EPRS1: variants seen among roughly 807,000 people sequenced by gnomAD.
EPRS1 encodes the protein bifunctional glutamate/proline--tRNA ligase.
EPRS1 carries 107 observed loss-of-function variants against 188.3 expected under a neutral mutation model. That is an observed-to-expected ratio of 0.57 (90% CI 0.49 to 0.67). The LOEUF is 0.67. EPRS1 is among the 30% of genes least tolerant of loss of function. The pLI, the probability that EPRS1 is intolerant of heterozygous loss-of-function variation, is 0.00. For missense variants in EPRS1, 1,577 were observed against 1,802.2 expected, an observed-to-expected ratio of 0.88 and a Z score of 2.26; for synonymous variants, 596 against 593.1, an observed-to-expected ratio of 1.00 and a Z score of -0.07.
intron 30 of EPRS1, among the ~76,000 whole-genome samples, chr1:219,971,121 T>C (rs1469958505): frequency 2.6e-5 from 4 of 152,168 alleles, no homozygotes; most frequent in East Asian, 1.9e-4. Flanking sequence ...AGAAGAGTGA[T>C]CTAAATTCTG....
At position 220,004,555 on chromosome 1, in the gene EPRS1, G is replaced by C. The variant is rs761428889; in HGVS notation, c.2063+693C>G. Among the ~76,000 whole-genome samples, 25 of 152,238 alleles carry C rather than the reference G, an allele frequency of 1.6e-4. No homozygotes were observed. In the South Asian group the frequency reaches 5.0e-3, roughly 30 times the overall value. On this transcript the variant is annotated intron_variant, in intron 16 of 31. Coordinates refer to ENST00000366923, the MANE Select transcript of EPRS1 (RefSeq NM_004446.3). Reference sequence around the variant, plus strand: ...GACCAGATGGGCAACACAAACGACAGAGTTTGCTGAGTGAAAAAAGGGATG... The same window carrying C: ...GACCAGATGGGCAACACAAACGACACAGTTTGCTGAGTGAAAAAAGGGATG...
chr1:220,018,790 C>T (rs1050774257), intron 11 of EPRS1, among the ~76,000 whole-genome samples: 13 of 132,142 alleles, frequency 9.8e-5, no homozygotes, highest in African/African-American at 3.7e-4. Flanking sequence ...GAGTTTAGGA[C>T]ATTTTCAATT....
At position 220,026,775 on chromosome 1, in the gene EPRS1, C is replaced by T. The variant is rs529383883; in HGVS notation, c.624-1517G>A. 8.7e-4 allele frequency among the ~76,000 whole-genome samples: 133 copies of T among 152,042 alleles called. 1 individual carries two copies. The highest frequency in any genetic ancestry group is 3.1e-3 in the African/African-American group (127 of 41,490). On this transcript the variant is annotated intron_variant, in intron 6 of 31. Coordinates refer to ENST00000366923, the MANE Select transcript of EPRS1 (RefSeq NM_004446.3). The stretch of plus-strand genomic sequence containing the variant: ...TCGATCTCCTGACCTTGTGACCCGC[C>T]TGCCTCGGCCAGCAGTTGTACAGTT...
chr1:220,004,464 G>A (rs1661419735), intron 16 of EPRS1, among the ~76,000 whole-genome samples: 1 of 152,180 alleles, frequency 6.6e-6, no homozygotes, highest in Admixed American at 6.5e-5. Flanking sequence ...CTGAGAGCCT[G>A]TTTTGGCAAT....
At chr1:220,045,741 G>A (rs1287391125) in intron 1 of EPRS1, among the ~76,000 whole-genome samples, 1 of 152,126 alleles carries the variant, frequency 6.6e-6, no homozygotes, top group African/African-American at 2.4e-5. Context: ...CAGTGTACCT[G>A]GGTGTTTTCC....
In EPRS1 at chr1:220,006,300, T is replaced by C. The variant is rs939567322; in HGVS notation, c.1756A>G (p.Lys586Glu). The C allele has an allele frequency of 6.5e-7, 1 of 1,549,550 alleles. No homozygotes were observed. Among genetic ancestry groups the C allele is most frequent in the Non-Finnish European group, 8.8e-7 (1 of 1,140,676 alleles). Residue 586 changes from lysine to glutamate, a missense_variant, in exon 15 of 32, where the codon AAA becomes GAA. Around this residue, in one of 3 missense-constraint regions of EPRS1, gnomAD observed 1,278 missense variants for 1,457.4 expected, o/e 0.88. Coordinates refer to ENST00000366923, the MANE Select transcript of EPRS1 (RefSeq NM_004446.3). ...ITKIHKNADG[K>E]IISLDAKLNL... ...AACTTTGCATCAAGAGATATGATTT[T>C]TCCATCTGCATTTCTAGATATAAGA... is the stretch of plus-strand genomic sequence containing the variant.
chr1:219,974,233 C>T (rs780876312), intron 28 of EPRS1, among the ~76,000 whole-genome samples: 2 of 152,126 alleles, frequency 1.3e-5, no homozygotes, highest in Admixed American at 6.6e-5. Context: ...CGTGAGCCAC[C>T]GTACTTGGCC....
intron 9 of EPRS1, among the ~76,000 whole-genome samples, chr1:220,021,506 A>G (rs1428848666): frequency 6.6e-6 from 1 of 152,098 alleles, no homozygotes; most frequent in Non-Finnish European, 1.5e-5. Flanking sequence ...GCCATTATAC[A>G]TTCTAACTTT....
At chr1:220,011,388 T>A (rs1661602249) in intron 12 of EPRS1, among the ~76,000 whole-genome samples, 1 of 152,260 alleles carries the variant, frequency 6.6e-6, no homozygotes, top group South Asian at 2.1e-4. Flanking sequence ...AGTGGGGTTA[T>A]ATCTTAATCC....
intron 26 of EPRS1, 142 bp downstream of exon 26, chr1:219,979,943 G>T (rs1403656223): frequency 2.4e-5 from 18 of 746,982 alleles, no homozygotes; most frequent in Non-Finnish European, 3.5e-5. Context: ...GAATGGGATA[G>T]ATTTGTTTGA....
chr1:220,023,069 C>G (rs771213299), intron 8 of EPRS1, among the ~76,000 whole-genome samples: 10 of 152,066 alleles, frequency 6.6e-5, no homozygotes, highest in Non-Finnish European at 1.5e-4. Context: ...TTCATCATCC[C>G]AATGAGAAGC....
Position 219,981,427 on chromosome 1 carries a change from T to C in EPRS1, c.3404A>G (p.Gln1135Arg). 1 of 1,606,600 alleles carries C rather than the reference T, an allele frequency of 6.2e-7. No individual in the cohort carries two copies. Among genetic ancestry groups the C allele is most frequent in the Non-Finnish European group, 8.5e-7 (1 of 1,175,518 alleles). ...CTTGATGGGCAGGTCTCTGTGTGAC[T>C]GTACCCATTTTGCATATGCAGGATA... ...VMYPAYAKWV[Q>R]SHRDLPIKLN... Residue 1135 changes from glutamine to arginine, a missense_variant, in exon 24 of 32, where the codon CAG (glutamine) becomes CGG (arginine). Gln to Arg is a conservative substitution (Grantham distance 43). Coordinates refer to ENST00000366923, the MANE Select transcript of EPRS1 (RefSeq NM_004446.3).
chr1:220,004,416 T>C (rs1661418914), intron 16 of EPRS1, among the ~76,000 whole-genome samples: 1 of 151,998 alleles, frequency 6.6e-6, no homozygotes, highest in Admixed American at 6.6e-5. Flanking sequence ...ATGTGAAAAC[T>C]GAACAGAAAA....
At chr1:219,988,396 A>C (rs1427127636) in intron 19 of EPRS1, among the ~76,000 whole-genome samples, 194 bp downstream of exon 19, 1 of 152,076 alleles carries the variant, frequency 6.6e-6, no homozygotes, top group Non-Finnish European at 1.5e-5. Flanking sequence ...GCGGTGTCAT[A>C]TGAAAACATC....
intron 5 of EPRS1, among the ~76,000 whole-genome samples, chr1:220,032,138 G>A (rs188041160): frequency 1.8e-3 from 277 of 151,480 alleles, no homozygotes; most frequent in African/African-American, 6.2e-3. Context: ...GCAGTGGCGC[G>A]ATCTCGGCTC....
At chr1:219,980,652 T>A (rs1571656938) in intron 25 of EPRS1, 104 bp downstream of exon 25, 1 of 668,652 alleles carries the variant, frequency 1.5e-6, no homozygotes, top group African/African-American at 1.8e-5. Context: ...TGAATTAATT[T>A]GATTTTGCTT....
At chr1:219,990,067 C>T (rs536864930) in intron 18 of EPRS1, among the ~76,000 whole-genome samples, 3 of 148,250 alleles carry the variant, frequency 2.0e-5, no homozygotes, top group African/African-American at 5.0e-5. Context: ...CTCCATTTTA[C>T]ACTATAAGCA....
intron 28 of EPRS1, among the ~76,000 whole-genome samples, chr1:219,973,846 G>C (rs566091038): frequency 6.6e-6 from 1 of 152,210 alleles, no homozygotes; most frequent in South Asian, 2.1e-4. Context: ...CTTATCTTTA[G>C]CATGCATTAT....
chr1:219,990,012 A>G (rs1399779155), intron 18 of EPRS1, among the ~76,000 whole-genome samples: 3 of 152,114 alleles, frequency 2.0e-5, no homozygotes, highest in Non-Finnish European at 4.4e-5. Context: ...ACTTCCCTGC[A>G]ACTATTTCTA....
Sources: allele counts gnomAD v4.1 joint callset (sites outside exome capture counted in the v4.1 genomes callset), GRCh38; gene constraint gnomAD v4.1.1; regional missense constraint gnomAD v4.1.1; transcripts MANE v1.5; gene names NCBI Gene and HGNC (gene_info 2026-07-23, HGNC 2026-07-21).